Variants in SORCS2 observed in about 807,000 individuals in gnomAD.
SORCS2 encodes sortilin related VPS10 domain containing receptor 2.
Under a neutral mutation model 141.6 loss-of-function variants are expected in SORCS2, and 100 were observed. The ratio of observed to expected loss-of-function variants is 0.71; its 90% CI spans 0.60 to 0.83. SORCS2 has a LOEUF of 0.83. SORCS2 is among the 40% of genes least tolerant of loss of function. The pLI, the probability that SORCS2 is intolerant of heterozygous loss-of-function variation, is 0.00. For synonymous variants in SORCS2, 789 were observed against 676.9 expected (o/e 1.17, Z -2.57); for missense variants, 1,646 against 1,560.2 (o/e 1.05, Z -0.93).
intron 2 of SORCS2, among the ~76,000 whole-genome samples, chr4:7,499,178 GTGTA>G (rs1406254570): frequency 6.6e-6 from 1 of 152,076 alleles, no homozygotes; most frequent in Non-Finnish European, 1.5e-5. Context: ...GTGCATGTAT[GTGTA>G]TGCATGTGTG....
At chr4:7,356,583 C>T (rs180772626) in intron 1 of SORCS2, among the ~76,000 whole-genome samples, 18 of 152,332 alleles carry the variant, frequency 1.2e-4, no homozygotes, top group African/African-American at 4.3e-4. Flanking sequence ...CTCGTGACTA[C>T]TTCTGCACCC....
chr4:7,621,901 C>T lies in SORCS2; in HGVS notation c.649-16427C>T, dbSNP rs528868078. On this transcript the variant is annotated intron_variant, in intron 3 of 26. Coordinates refer to ENST00000507866, the MANE Select transcript of SORCS2 (RefSeq NM_020777.3). Reference sequence around the variant, plus strand: ...TGGCGAGAGCCTGCTGGTGCTGCTGCCCAGCTATGATGGTTGAGATGATCA... The same window carrying T: ...TGGCGAGAGCCTGCTGGTGCTGCTGTCCAGCTATGATGGTTGAGATGATCA... 5.0e-4 allele frequency among the ~76,000 whole-genome samples: 76 copies of T among 152,290 alleles called. No individual in the cohort carries two copies. The South Asian group carries it at 0.012, about 24-fold the overall frequency.
intron 11 of SORCS2, among the ~76,000 whole-genome samples, chr4:7,692,028 C>T (rs1724291120): frequency 6.6e-6 from 1 of 152,082 alleles, no homozygotes; most frequent in Non-Finnish European, 1.5e-5. Flanking sequence ...GGAGACTACA[C>T]TTCTATTTTA....
intron 1 of SORCS2, among the ~76,000 whole-genome samples, chr4:7,358,642 A>G (rs1233876664): frequency 6.6e-6 from 1 of 152,172 alleles, no homozygotes; most frequent in Non-Finnish European, 1.5e-5. Context: ...TTGTTAAGTC[A>G]CAGATGCGGA....
At position 7,339,270 on chromosome 4, in the gene SORCS2, G is replaced by A. The variant is rs185005248; in HGVS notation, c.481-57018G>A. The stretch of plus-strand genomic sequence containing the variant: ...AGAAATGGCCATCTGTGGGACAGGA[G>A]GCACCAGTATGAGTGACAAGACAGC... On this transcript the variant is annotated intron_variant, in intron 1 of 26. Coordinates refer to ENST00000507866, the MANE Select transcript of SORCS2 (RefSeq NM_020777.3). Among the ~76,000 whole-genome samples the A allele has an allele frequency of 3.9e-3, 596 of 152,330 alleles. 7 individuals are homozygous for A. The highest frequency in any genetic ancestry group is 0.014 in the African/African-American group (571 of 41,558).
intron 3 of SORCS2, among the ~76,000 whole-genome samples, chr4:7,625,248 C>T (rs1410434394): frequency 1.3e-5 from 2 of 152,136 alleles, no homozygotes; most frequent in Non-Finnish European, 2.9e-5. Context: ...GGATGCTTGT[C>T]AGCTCAAGCC....
intron 19 of SORCS2, among the ~76,000 whole-genome samples, chr4:7,724,124 G>GTGGTGGTGGTGGTGATGGTGGTGA (rs1560112868): frequency 1.4e-4 from 19 of 139,614 alleles, no homozygotes; most frequent in Admixed American, 1.3e-3. Context: ...GATGGTGGTG[G>GTGGTGGTGGTGGTGATGGTGGTGA]TGGTGGTGGT....
At position 7,706,230 on chromosome 4, in the gene SORCS2, G is replaced by T. The variant is rs1725443401; in HGVS notation, c.1868+1946G>T. ...GGCTGGGCTCCGTCTGGGCAGGGAT[G>T]AGGCTGCGCTCCGCCTGGGCAGGGA... is the stretch of plus-strand genomic sequence containing the variant. On this transcript the variant is annotated intron_variant, in intron 14 of 26. Transcript: ENST00000507866. 1.6e-5 allele frequency among the ~76,000 whole-genome samples: 2 copies of T among 122,082 alleles called. 1 individual carries two copies. The highest frequency in any genetic ancestry group is 3.6e-5 in the Non-Finnish European group (2 of 55,716). The allele number at this position is 122,082 out of a possible 152,430, so 80.1% of individuals were successfully genotyped here.
At chr4:7,447,096 A>G (rs985202645) in intron 2 of SORCS2, among the ~76,000 whole-genome samples, 4 of 152,238 alleles carry the variant, frequency 2.6e-5, no homozygotes, top group Non-Finnish European at 4.4e-5. Context: ...GCAGGTCCCA[A>G]AAGGACCCCG....
At chr4:7,446,797 G>T (rs984916949) in intron 2 of SORCS2, among the ~76,000 whole-genome samples, 6 of 152,212 alleles carry the variant, frequency 3.9e-5, no homozygotes, top group Non-Finnish European at 8.8e-5. Flanking sequence ...GTGTCGTGGG[G>T]AAACCCCGGG....
At chr4:7,694,871 C>T (rs1233935935) in intron 11 of SORCS2, among the ~76,000 whole-genome samples, 3 of 152,142 alleles carry the variant, frequency 2.0e-5, no homozygotes, top group Non-Finnish European at 4.4e-5. Flanking sequence ...AGTCCCCTTT[C>T]CCTTGGACAG....
chr4:7,682,594 C>G lies in SORCS2; in HGVS notation c.1342-149C>G, dbSNP rs377585977. ...TGGCCCCTCTAAACCTCACTCACCT[C>G]TAGAATGTGTCTCAGCTGCTGGACA... is the stretch of plus-strand genomic sequence containing the variant. On this transcript the variant is annotated intron_variant, in intron 9 of 26. Transcript: ENST00000507866. The G allele has an allele frequency of 7.4e-5, 58 of 788,426 alleles. No homozygotes were observed. In the East Asian group the frequency reaches 1.5e-3, roughly 20 times the overall value. The allele number at this position is 788,426 out of a possible 1,614,324, so 48.8% of individuals were successfully genotyped here.
At chr4:7,636,824 G>A (rs753577722) in intron 3 of SORCS2, among the ~76,000 whole-genome samples, 2 of 152,088 alleles carry the variant, frequency 1.3e-5, no homozygotes, top group Non-Finnish European at 2.9e-5. Flanking sequence ...CCCACAACCT[G>A]GGGAGCTGAA....
intron 26 of SORCS2, among the ~76,000 whole-genome samples, chr4:7,738,343 C>T (rs1163745524): frequency 3.3e-5 from 5 of 152,208 alleles, no homozygotes; most frequent in South Asian, 4.1e-4. Flanking sequence ...GCTCAGCAGC[C>T]GAGGAGGCAG....
intron 3 of SORCS2, among the ~76,000 whole-genome samples, chr4:7,613,380 G>A (rs1157760757): frequency 3.9e-5 from 6 of 152,238 alleles, no homozygotes; most frequent in African/African-American, 1.4e-4. Flanking sequence ...CCAGGTGCCA[G>A]GAAGCTGCCA....
At chr4:7,283,028 TATTCATCC>T (rs896112151) in intron 1 of SORCS2, among the ~76,000 whole-genome samples, 24 of 149,608 alleles carry the variant, frequency 1.6e-4, no homozygotes, top group African/African-American at 5.7e-4. Flanking sequence ...TTCACTCATT[TATTCATCC>T]ATTCATTCAC....
intron 2 of SORCS2, among the ~76,000 whole-genome samples, chr4:7,524,924 T>C (rs1733574099): frequency 6.6e-6 from 1 of 152,164 alleles, no homozygotes; most frequent in Non-Finnish European, 1.5e-5. Flanking sequence ...AGGGCATCCA[T>C]CATTGAGGAT....
chr4:7,556,811 TCATC>T (rs1458741081), intron 3 of SORCS2, among the ~76,000 whole-genome samples: 1 of 131,392 alleles, frequency 7.6e-6, no homozygotes, highest in Non-Finnish European at 1.6e-5. Context: ...TACCTGCCCA[TCATC>T]CATCCATCTA....
chr4:7,391,637 C>G (rs138536596), intron 1 of SORCS2, among the ~76,000 whole-genome samples: 4,286 of 152,266 alleles, frequency 0.028, 114 homozygotes, highest in Middle Eastern at 0.041. Flanking sequence ...AGGCCCTTCC[C>G]TGGAATAAAG....
Sources: gnomAD v4.1 joint callset for allele counts (sites outside exome capture counted in the v4.1 genomes callset) on GRCh38, gnomAD v4.1.1 for gene constraint, MANE v1.5 for transcripts, NCBI Gene and HGNC (gene_info 2026-07-23, HGNC 2026-07-21) for gene names.